The following DIP2B variants were observed in gnomAD, a reference collection of about 807,000 sequenced individuals.
DIP2B encodes the protein DIP2 acetate--CoA ligase B (putative), also known as disco-interacting protein 2 homolog B.
DIP2B carries 76 observed loss-of-function variants against 198.0 expected under a neutral mutation model. That is an observed-to-expected ratio of 0.38 (90% confidence interval 0.32 to 0.46). DIP2B has a LOEUF of 0.46. Among genes scored for constraint, DIP2B ranks in the 20% least tolerant of loss-of-function variants. The pLI is 0.99. For synonymous variants in DIP2B, 701 were observed against 739.1 expected, an observed-to-expected ratio of 0.95 and a Z score of 0.84; for missense variants, 1,559 against 1,978.4, an observed-to-expected ratio of 0.79 and a Z score of 4.02.
intron 1 of DIP2B, among the ~76,000 whole-genome samples, chr12:50,536,494 T>G (rs1958268709): frequency 6.6e-6 from 1 of 152,098 alleles, no homozygotes. Flanking sequence ...AGAACCATCA[T>G]TCCCTAATTT....
chr12:50,645,723 G>T lies in DIP2B; in HGVS notation c.301+4871G>T, dbSNP rs1938338089. On this transcript the variant is annotated intron_variant, in intron 3 of 37. Transcript: ENST00000301180. ...ATCCTCCCGCCTTGGCCTCCCCCAA[G>T]TGCTGGGATTACAGTGGTGAACCAT... Among the ~76,000 whole-genome samples the T allele has an allele frequency of 3.3e-5, 5 of 152,168 alleles. No homozygotes were observed. The South Asian group carries it at 1.0e-3, about 32-fold the overall frequency.
At chr12:50,572,639 C>T (rs1273166391) in intron 1 of DIP2B, among the ~76,000 whole-genome samples, 7 of 152,210 alleles carry the variant, frequency 4.6e-5, no homozygotes, top group African/African-American at 1.7e-4. Context: ...CTCTTCCATT[C>T]TCCACCTTTG....
Position 50,724,882 on chromosome 12 carries a change from C to T in DIP2B, c.3396C>T (p.Asp1132=). The T allele has an allele frequency of 6.2e-7, 1 of 1,614,106 alleles. No homozygotes were observed. Among genetic ancestry groups the T allele is most frequent in the Non-Finnish European group, 8.5e-7 (1 of 1,179,972 alleles). The part of the protein sequence containing the change: ...VDVKTWPTII[D]TDDLPRKRLP... ...TGAAAACCTGGCCAACCATCATTGA[C>T]ACAGGTGAAAGGGAGACTTCTTCTG... The change falls in exon 28 of 38, where the codon GAC becomes GAT. Residue 1132 remains aspartate, a synonymous_variant. Coordinates refer to ENST00000301180, the MANE Select transcript of DIP2B (RefSeq NM_173602.3).
intron 22 of DIP2B, among the ~76,000 whole-genome samples, chr12:50,711,347 G>A (rs1310220325): frequency 6.6e-6 from 1 of 152,182 alleles, no homozygotes; most frequent in Non-Finnish European, 1.5e-5. Flanking sequence ...AGGAAAGGCA[G>A]TTAGTAGATG....
intron 4 of DIP2B, among the ~76,000 whole-genome samples, chr12:50,662,604 T>G (rs1938671174): frequency 6.6e-6 from 1 of 152,220 alleles, no homozygotes. Context: ...TAGTTGTAGC[T>G]TAATCCTACA....
rs1555180928 is a variant in DIP2B at position 50,516,241 on chromosome 12, C to CTATCTCTA, written c.100+11002_100+11003insATCTCTAT. Among the ~76,000 whole-genome samples the CTATCTCTA allele has an allele frequency of 4.7e-3, 659 of 141,088 alleles. 9 individuals are homozygous for CTATCTCTA. Among genetic ancestry groups the CTATCTCTA allele is most frequent in the African/African-American group, 0.016 (572 of 36,404 alleles). The allele number at this position is 141,088 out of a possible 152,430, so 92.6% of individuals were successfully genotyped here. A position where few individuals can be genotyped will look rare whatever the true frequency, so the allele number is the denominator to read the frequency against. On this transcript the variant is annotated intron_variant, in intron 1 of 37. Transcript: ENST00000301180. Reference sequence around the variant, plus strand: ...TCTCTCTCTCTCTCTCTCTCTCTCTCTCTCTATCTCTATCTCTATCTCTAT... The same window carrying CTATCTCTA: ...TCTCTCTCTCTCTCTCTCTCTCTCTCTATCTCTATCTCTATCTCTATCTCTATCTCTAT...
chr12:50,702,183 A>G (rs1939429661), intron 19 of DIP2B, among the ~76,000 whole-genome samples: 1 of 152,078 alleles, frequency 6.6e-6, no homozygotes, highest in Non-Finnish European at 1.5e-5. Flanking sequence ...CGTCTCTACT[A>G]AAAATACAAA....
chr12:50,730,215 C>G (rs1940013978), intron 30 of DIP2B, among the ~76,000 whole-genome samples: 1 of 152,312 alleles, frequency 6.6e-6, no homozygotes, highest in African/African-American at 2.4e-5. Context: ...TGGGTGAAGT[C>G]TAAACTCCTT....
At chr12:50,737,767 T>C (rs1324753886) in intron 35 of DIP2B, among the ~76,000 whole-genome samples, 1 of 152,048 alleles carries the variant, frequency 6.6e-6, no homozygotes, top group Non-Finnish European at 1.5e-5. Context: ...TTTGTATTTT[T>C]AGTAGAGATA....
chr12:50,698,482 G>T lies in DIP2B; in HGVS notation c.2188+15G>T, dbSNP rs201162571. The T allele has an allele frequency of 1.2e-4, 196 of 1,599,712 alleles. No homozygotes were observed. The East Asian group carries it at 4.3e-3, about 35-fold the overall frequency. Reference sequence around the variant, plus strand: ...AATGCCTGGTGGTGAGTCGCAAGGAGCATCATTTGGTTTTTCATAAAGATT... The same window carrying T: ...AATGCCTGGTGGTGAGTCGCAAGGATCATCATTTGGTTTTTCATAAAGATT... On this transcript the variant is annotated intron_variant, in intron 18 of 37. Transcript: ENST00000301180.
At chr12:50,724,335 C>T (rs1214001122) in intron 27 of DIP2B, among the ~76,000 whole-genome samples, 2 of 152,138 alleles carry the variant, frequency 1.3e-5, no homozygotes, top group Admixed American at 1.3e-4. Context: ...ATCAGGGTTC[C>T]TTAGGTTCAG....
chr12:50,514,334 G>C (rs534362703), intron 1 of DIP2B, among the ~76,000 whole-genome samples: 2 of 152,042 alleles, frequency 1.3e-5, no homozygotes, highest in African/African-American at 2.4e-5. Flanking sequence ...CAAAGTGCTG[G>C]GATTACAGGT....
chr12:50,529,314 A>G (rs1440462580), intron 1 of DIP2B, among the ~76,000 whole-genome samples: 1 of 152,198 alleles, frequency 6.6e-6, no homozygotes, highest in Non-Finnish European at 1.5e-5. Flanking sequence ...AAAAACTGTA[A>G]ACAGTATCTT....
intron 5 of DIP2B, 56 bp from the exon 6 acceptor site, chr12:50,674,418 T>C: frequency 1.3e-6 from 2 of 1,596,740 alleles, no homozygotes; most frequent in Non-Finnish European, 1.7e-6. Flanking sequence ...CCCAAAGATT[T>C]GAAGGTTCTT....
chr12:50,534,315 C>A (rs1385778223), intron 1 of DIP2B, among the ~76,000 whole-genome samples: 1 of 150,512 alleles, frequency 6.6e-6, no homozygotes, highest in Non-Finnish European at 1.5e-5. Context: ...TAAAAAAACA[C>A]TTTCAAGACT....
intron 1 of DIP2B, among the ~76,000 whole-genome samples, chr12:50,593,437 G>A (rs1236935612): frequency 4.6e-5 from 7 of 151,890 alleles, no homozygotes; most frequent in Admixed American, 3.9e-4. Context: ...CCCGGGAGGC[G>A]GAGGTTGCAG....
chr12:50,644,535 T>C (rs1394917702), intron 3 of DIP2B, among the ~76,000 whole-genome samples: 1 of 152,226 alleles, frequency 6.6e-6, no homozygotes, highest in Non-Finnish European at 1.5e-5. Context: ...ACTCCAGAAG[T>C]GACTTCTTTA....
chr12:50,615,099 A>T (rs1359745922), intron 1 of DIP2B, among the ~76,000 whole-genome samples: 2 of 152,226 alleles, frequency 1.3e-5, no homozygotes, highest in African/African-American at 2.4e-5. Flanking sequence ...CCTGGTTTTT[A>T]AAAATTGCTC....
intron 1 of DIP2B, among the ~76,000 whole-genome samples, chr12:50,576,871 A>T (rs376255511): frequency 9.3e-4 from 134 of 144,430 alleles, no homozygotes; most frequent in African/African-American, 3.1e-3. Context: ...TGTTATTATT[A>T]TTTTTTTTTG....
Sources: gnomAD v4.1 joint callset for allele counts (sites outside exome capture counted in the v4.1 genomes callset) on GRCh38, gnomAD v4.1.1 for gene constraint, MANE v1.5 for transcripts, NCBI Gene and HGNC (gene_info 2026-07-23, HGNC 2026-07-21) for gene names.